The following WDPCP variants were observed in gnomAD, a reference collection of about 807,000 sequenced individuals.
WDPCP encodes WD repeat containing planar cell polarity effector, also known as WD repeat-containing and planar cell polarity effector protein fritz homolog.
WDPCP carries 71 observed loss-of-function variants against 93.1 expected under a neutral mutation model. That is an observed-to-expected ratio of 0.76 (90% CI 0.63 to 0.93). WDPCP has a LOEUF of 0.93. Among genes scored for constraint, WDPCP ranks in the 40% least tolerant of loss-of-function variants. The pLI is 0.00. For missense variants in WDPCP, 844 were observed against 887.4 expected (o/e 0.95, Z 0.62); for synonymous variants, 315 against 315.0 (o/e 1.00, Z 0.00).
In WDPCP at chr2:63,611,385, G is replaced by A. The variant is rs919660207; in HGVS notation, n.488+39274C>T. Among the ~76,000 whole-genome samples, 4 of 151,964 alleles carry A rather than the reference G, an allele frequency of 2.6e-5. No homozygotes were observed. The South Asian group carries it at 8.3e-4, about 32-fold the overall frequency. ...TTGTTATGAAAGCAGCAGCCTTCTG[G>A]ATTTGATATTATATGTACATTTAAT... On this transcript the variant is annotated intron_variant and non_coding_transcript_variant, in intron 3 of 4. Coordinates refer to the WDPCP transcript ENST00000467687.
intron 2 of WDPCP, among the ~76,000 whole-genome samples, chr2:63,741,723 A>G (rs984859862): frequency 2.6e-5 from 4 of 152,114 alleles, no homozygotes; most frequent in African/African-American, 9.7e-5. Context: ...TTCTTTAAAT[A>G]AATCATTTAA....
intron 2 of WDPCP, among the ~76,000 whole-genome samples, chr2:63,728,307 G>A (rs1041754036): frequency 6.6e-6 from 1 of 152,168 alleles, no homozygotes; most frequent in Admixed American, 6.5e-5. Context: ...AAGCTGTATG[G>A]CTCCTATTCA....
intron 1 of WDPCP, among the ~76,000 whole-genome samples, chr2:63,581,801 G>A (rs759723328): frequency 6.6e-6 from 1 of 152,048 alleles, no homozygotes; most frequent in Non-Finnish European, 1.5e-5. Context: ...GAGTCCTAGA[G>A]TTTGAGACCA....
intron 2 of WDPCP, among the ~76,000 whole-genome samples, chr2:63,664,155 A>C (rs1449278010): frequency 6.6e-6 from 1 of 152,226 alleles, no homozygotes; most frequent in African/African-American, 2.4e-5. Flanking sequence ...ATCTCAGTTT[A>C]GGCATCATCA....
intron 12 of WDPCP, among the ~76,000 whole-genome samples, chr2:63,327,743 A>G (rs1158463780): frequency 6.6e-6 from 1 of 152,230 alleles, no homozygotes; most frequent in East Asian, 1.9e-4. Flanking sequence ...GTCCCAAGAC[A>G]GCCATCTTAT....
chr2:63,258,849 A>T (rs1281688205), intron 14 of WDPCP, among the ~76,000 whole-genome samples: 13 of 152,158 alleles, frequency 8.5e-5, no homozygotes, highest in Admixed American at 8.5e-4. Context: ...ACTATGGTTT[A>T]AAATGATTCT....
intron 14 of WDPCP, among the ~76,000 whole-genome samples, chr2:63,254,854 T>C (rs1487943754): frequency 6.6e-6 from 1 of 152,074 alleles, no homozygotes; most frequent in East Asian, 1.9e-4. Context: ...AAACCATGAG[T>C]CTGTAAGTCT....
chr2:63,370,556 TA>T (rs1395259489), intron 12 of WDPCP, among the ~76,000 whole-genome samples: 1 of 151,892 alleles, frequency 6.6e-6, no homozygotes, highest in Non-Finnish European at 1.5e-5. Context: ...ATGCATTTGA[TA>T]AAAAGGACTA....
chr2:63,617,396 C>T (rs1558867465), intron 3 of WDPCP, among the ~76,000 whole-genome samples: 1 of 152,150 alleles, frequency 6.6e-6, no homozygotes, highest in Admixed American at 6.5e-5. Context: ...TTCTTATACC[C>T]TTCTAGGTTC....
intron 2 of WDPCP, among the ~76,000 whole-genome samples, chr2:63,806,368 A>T (rs760852481): frequency 3.3e-5 from 5 of 152,128 alleles, no homozygotes; most frequent in Non-Finnish European, 5.9e-5. Flanking sequence ...GGAGTGTGCG[A>T]ATAGGTGTGG....
chr2:63,433,554 G>T (rs959264708), intron 9 of WDPCP, among the ~76,000 whole-genome samples, 191 bp downstream of exon 9: 5 of 152,102 alleles, frequency 3.3e-5, no homozygotes, highest in Non-Finnish European at 7.4e-5. Flanking sequence ...TGGAAGCCTG[G>T]ACTCTTAATT....
chr2:63,526,675 C>T (rs961255908), intron 1 of WDPCP, among the ~76,000 whole-genome samples: 1 of 152,180 alleles, frequency 6.6e-6, no homozygotes, highest in South Asian at 2.1e-4. Flanking sequence ...AATCTCTTCC[C>T]TGTGGTTTTT....
At chr2:63,302,726 T>G (rs2090479) in intron 13 of WDPCP, among the ~76,000 whole-genome samples, 121,504 of 151,776 alleles carry the variant, frequency 0.8, 49,504 homozygotes, top group East Asian at 0.96. Context: ...TAGACACTCT[T>G]GTGTGCTTTG....
At chr2:63,461,669 G>T (rs1189699941) in intron 6 of WDPCP, among the ~76,000 whole-genome samples, 1 of 152,150 alleles carries the variant, frequency 6.6e-6, no homozygotes, top group East Asian at 1.9e-4. Flanking sequence ...GACCAGTTTT[G>T]TTGATGTTAT....
chr2:63,546,642 C>T (rs941554362), intron 1 of WDPCP, among the ~76,000 whole-genome samples: 11 of 152,076 alleles, frequency 7.2e-5, no homozygotes, highest in Non-Finnish European at 1.5e-4. Flanking sequence ...TGTAAGTGAC[C>T]TCAAATGCAC....
At chr2:63,634,704 T>C (rs1271842538) in intron 3 of WDPCP, among the ~76,000 whole-genome samples, 1 of 151,944 alleles carries the variant, frequency 6.6e-6, no homozygotes, top group Non-Finnish European at 1.5e-5. Context: ...GAACAATCAA[T>C]GGATAAAAGA....
intron 12 of WDPCP, among the ~76,000 whole-genome samples, chr2:63,337,635 A>C (rs988973401): frequency 1.2e-4 from 18 of 152,314 alleles, no homozygotes; most frequent in Admixed American, 3.3e-4. Flanking sequence ...GGTGTATAAG[A>C]ATTCCCCTTT....
chr2:63,674,619 G>C (rs140272583), intron 2 of WDPCP, among the ~76,000 whole-genome samples: 1 of 151,928 alleles, frequency 6.6e-6, no homozygotes, highest in South Asian at 2.1e-4. Context: ...CTAGAGATCT[G>C]CTGTGTAATA....
At chr2:63,801,583 C>A (rs1413368058) in intron 2 of WDPCP, among the ~76,000 whole-genome samples, 1 of 152,152 alleles carries the variant, frequency 6.6e-6, no homozygotes, top group Non-Finnish European at 1.5e-5. Flanking sequence ...TCAGAATGCC[C>A]TTTTTTCACT....
Sources: allele counts gnomAD v4.1 joint callset (sites outside exome capture counted in the v4.1 genomes callset), GRCh38; gene constraint gnomAD v4.1.1; transcripts MANE v1.5; gene names NCBI Gene and HGNC (gene_info 2026-07-23, HGNC 2026-07-21).